Variants in ABCB11 observed in about 807,000 individuals in gnomAD.
The protein encoded by ABCB11 is ATP binding cassette subfamily B member 11.
ABCB11 carries 95 observed loss-of-function variants against 148.0 expected under a neutral mutation model. The observed-to-expected ratio is 0.64, with a 90% confidence interval of 0.54 to 0.76. ABCB11 has a LOEUF of 0.76. Among genes scored for constraint, ABCB11 ranks in the 30% least tolerant of loss-of-function variants. ABCB11 has a pLI of 0.00. For missense variants in ABCB11, 1,523 were observed against 1,617.8 expected, an observed-to-expected ratio of 0.94 and a Z score of 1.01; for synonymous variants, 591 against 555.4, an observed-to-expected ratio of 1.06 and a Z score of -0.90.
In ABCB11 at chr2:168,996,682, A is replaced by T. The variant is rs1360234121; in HGVS notation, c.430T>A (p.Tyr144Asn). The T allele has an allele frequency of 6.3e-7, 1 of 1,576,190 alleles. No individual in the cohort carries two copies. Among genetic ancestry groups the T allele is most frequent in the South Asian group, 1.2e-5 (1 of 84,780 alleles). ...ACTGCGACAGCAATTCCAGCATAGT[A>T]ACTGGCAAATTTGATCATTTCGCTC... ...IESEMIKFAS[Y>N]YAGIAVAVLI... The change falls in exon 6 of 28, where the codon TAC (tyrosine) becomes AAC (asparagine). Residue 144 changes from tyrosine (Y) to asparagine (N), a missense_variant. Tyr to Asn is a moderately radical substitution (Grantham distance 143). Coordinates refer to ENST00000650372, the MANE Select transcript of ABCB11 (RefSeq NM_003742.4).
chr2:168,939,439 G>A (rs1056120799), intron 21 of ABCB11, among the ~76,000 whole-genome samples: 13 of 151,884 alleles, frequency 8.6e-5, no homozygotes, highest in South Asian at 2.1e-4. Flanking sequence ...CATGAATATC[G>A]TTCATGATGG....
intron 1 of ABCB11, among the ~76,000 whole-genome samples, chr2:169,019,124 G>A (rs1695461089): frequency 6.6e-6 from 1 of 152,078 alleles, no homozygotes; most frequent in Admixed American, 6.5e-5. Flanking sequence ...CACCATTGAA[G>A]CATCTATTCC....
intron 10 of ABCB11, among the ~76,000 whole-genome samples, chr2:168,980,248 G>A (rs1344103258): frequency 6.6e-6 from 1 of 152,124 alleles, no homozygotes; most frequent in Non-Finnish European, 1.5e-5. Flanking sequence ...CTTGAAATGA[G>A]TAAGAAGTCT....
chr2:168,976,546 T>A, intron 12 of ABCB11, 31 bp downstream of exon 12: 1 of 1,269,238 alleles, frequency 7.9e-7, no homozygotes, highest in East Asian at 2.6e-5. Flanking sequence ...AAGAAAACAT[T>A]TACTATTCTG....
chr2:168,951,846 A>C (rs544577007), intron 19 of ABCB11, among the ~76,000 whole-genome samples: 1 of 151,616 alleles, frequency 6.6e-6, no homozygotes, highest in Non-Finnish European at 1.5e-5. Context: ...AATTCTTTCA[A>C]CTTTTCCCCA....
At chr2:169,016,342 C>T (rs114483492) in intron 3 of ABCB11, among the ~76,000 whole-genome samples, 1,712 of 152,286 alleles carry the variant, frequency 0.011, 25 homozygotes, top group African/African-American at 0.033. Flanking sequence ...CATCTAATCC[C>T]GCCTTCATAC....
At chr2:168,953,230 A>C (rs991923774) in intron 19 of ABCB11, among the ~76,000 whole-genome samples, 1 of 151,638 alleles carries the variant, frequency 6.6e-6, no homozygotes, top group Non-Finnish European at 1.5e-5. Context: ...TTTGATATAA[A>C]ATCCAGTTTA....
At chr2:168,982,571 G>C (rs3770594) in intron 10 of ABCB11, among the ~76,000 whole-genome samples, 88,011 of 151,950 alleles carry the variant, frequency 0.58, 26,359 homozygotes, top group African/African-American at 0.71. Context: ...CTGTGCACAA[G>C]TGATACTAAT....
At chr2:168,979,813 C>T in intron 11 of ABCB11, 53 bp downstream of exon 11, 5 of 1,058,728 alleles carry the variant, frequency 4.7e-6, no homozygotes, top group African/African-American at 1.6e-5. Context: ...CATTCTGTGC[C>T]CCACCCCCCA....
At chr2:169,026,246 CTTTG>C (rs1411430109) in intron 1 of ABCB11, among the ~76,000 whole-genome samples, 5 of 152,164 alleles carry the variant, frequency 3.3e-5, no homozygotes, top group South Asian at 2.1e-4. Context: ...TGTTTGTTTT[CTTTG>C]TTTGTTTTCT....
intron 1 of ABCB11, among the ~76,000 whole-genome samples, chr2:169,029,535 C>T (rs188068031): frequency 3.9e-5 from 6 of 152,138 alleles, no homozygotes; most frequent in Admixed American, 2.6e-4. Context: ...GAGGCCCTTC[C>T]AGCCCTGAGG....
intron 4 of ABCB11, 69 bp downstream of exon 4, chr2:169,014,231 TAAC>T: frequency 1.0e-5 from 15 of 1,435,150 alleles, no homozygotes; most frequent in African/African-American, 2.8e-5. Context: ...ACTAAAGATT[TAAC>T]ACTCCCCTCA....
intron 1 of ABCB11, among the ~76,000 whole-genome samples, chr2:169,018,983 A>T (rs1182787213): frequency 6.6e-6 from 1 of 152,052 alleles, no homozygotes; most frequent in African/African-American, 2.4e-5. Context: ...CGAGTGTGAG[A>T]GTTTAGCTGG....
chr2:168,926,363 C>T (rs527733289), intron 26 of ABCB11, among the ~76,000 whole-genome samples: 4 of 152,258 alleles, frequency 2.6e-5, no homozygotes, highest in East Asian at 3.9e-4. Flanking sequence ...TACCAGTGGC[C>T]GCTTTCATTG....
At chr2:168,946,858 A>G (rs975471407) in intron 19 of ABCB11, among the ~76,000 whole-genome samples, 1 of 151,612 alleles carries the variant, frequency 6.6e-6, no homozygotes, top group African/African-American at 2.4e-5. Flanking sequence ...AGCTTTTTGT[A>G]TTACTTACCT....
intron 9 of ABCB11, among the ~76,000 whole-genome samples, chr2:168,987,875 T>A (rs950330799): frequency 2.6e-5 from 4 of 152,232 alleles, no homozygotes; most frequent in Non-Finnish European, 4.4e-5. Context: ...TATTATTTTT[T>A]AATTGACAAA....
intron 23 of ABCB11, among the ~76,000 whole-genome samples, chr2:168,932,807 G>A (rs1370781787): frequency 1.3e-5 from 2 of 152,042 alleles, no homozygotes; most frequent in South Asian, 2.1e-4. Context: ...GACCACAATA[G>A]CTTCCTTTAA....
chr2:169,000,678 T>C (rs1694844197), intron 5 of ABCB11, among the ~76,000 whole-genome samples: 1 of 152,166 alleles, frequency 6.6e-6, no homozygotes. Flanking sequence ...CTGCATTAGC[T>C]ATATAATATG....
rs1285203415 is a variant in ABCB11, at chr2:168,944,574, A to C, written c.2610+31T>G. ...TAATGAAAGAATGCCAATGCAGTTA[A>C]TATACTTCTATTTCCCCTCCCATAG... On this transcript the variant is annotated intron_variant, in intron 21 of 27. Transcript: ENST00000650372. 19 of 1,560,524 alleles carry C rather than the reference A, an allele frequency of 1.2e-5. No individual in the cohort carries two copies. In the East Asian group the frequency reaches 4.3e-4, roughly 35 times the overall value.
Sources: gnomAD v4.1 joint callset for allele counts (sites outside exome capture counted in the v4.1 genomes callset) on GRCh38, gnomAD v4.1.1 for gene constraint, MANE v1.5 for transcripts, NCBI Gene and HGNC (gene_info 2026-07-23, HGNC 2026-07-21) for gene names.